The following KIRREL3 variants were observed in gnomAD, a reference collection of about 807,000 sequenced individuals.
The protein encoded by KIRREL3 is kin of IRRE-like protein 3.
In KIRREL3, 36 loss-of-function variants were observed where a neutral mutation model predicts 89.7. The observed-to-expected ratio is 0.40, with a 90% CI of 0.31 to 0.53. The LOEUF is 0.53. KIRREL3 is among the 20% of genes least tolerant of loss of function. The pLI, the probability that KIRREL3 is intolerant of heterozygous loss-of-function variation, is 0.49. For missense variants in KIRREL3, 864 were observed against 1,056.6 expected, an observed-to-expected ratio of 0.82 and a Z score of 2.53; for synonymous variants, 445 against 441.4, an observed-to-expected ratio of 1.01 and a Z score of -0.10.
In KIRREL3 at chr11:126,697,767, TG is replaced by T. The variant is rs200947507; in HGVS notation, c.56-134856del. 1.3e-5 allele frequency among the ~76,000 whole-genome samples: 2 copies of T among 152,350 alleles called. No individual in the cohort carries two copies. The highest frequency in any genetic ancestry group is 2.1e-4 in the South Asian group (1 of 4,818). ...CTCCGGGTGGGTCCCATGATTGCTC[TG>T]ATCACCTCCCTATTATTGGATATTA... On this transcript the variant is annotated intron_variant, in intron 1 of 16. Transcript: ENST00000525144. This position sits in a 1 kb window ranked among gnomAD's most constrained non-coding sequence, Gnocchi z 4.2.
At position 126,987,445 on chromosome 11, in the gene KIRREL3, A is replaced by G. The variant is rs1414257794; in HGVS notation, c.55+13010T>C. On this transcript the variant is annotated intron_variant, in intron 1 of 16. Transcript: ENST00000525144. The surrounding 1 kb of genome is among the most constrained non-coding windows in gnomAD (Gnocchi z 4.6). ...TAGATTTCCTGTTATTTTCACAGAC[A>G]AACAGGAGAGGTAAGTGTTCAGATT... 6.6e-6 allele frequency among the ~76,000 whole-genome samples: 1 copy of G among 152,242 alleles called. No homozygotes were observed. The highest frequency in any genetic ancestry group is 1.5e-5 in the Non-Finnish European group (1 of 68,048).
In KIRREL3 at chr11:126,782,149, C is replaced by G. The variant is rs992447817; in HGVS notation, c.55+218306G>C. Among the ~76,000 whole-genome samples, 1 of 152,170 alleles carries G rather than the reference C, an allele frequency of 6.6e-6. No homozygotes were observed. The highest frequency in any genetic ancestry group is 2.4e-5 in the African/African-American group (1 of 41,436). ...GCCTTCCTAGGAATTAGGTTCAGGC[C>G]TGAGACTTAAAAGAGTCCTGTGTGA... On this transcript the variant is annotated intron_variant, in intron 1 of 16. Coordinates refer to ENST00000525144, the MANE Select transcript of KIRREL3 (RefSeq NM_032531.4). The surrounding 1 kb of genome is among the most constrained non-coding windows in gnomAD (Gnocchi z 4.1).
chr11:126,749,903 A>G (rs1287478213), intron 1 of KIRREL3, among the ~76,000 whole-genome samples: 2 of 152,122 alleles, frequency 1.3e-5, no homozygotes, highest in East Asian at 1.9e-4. Flanking sequence ...ACGTGTGGAG[A>G]CCGAATCAGG....
chr11:126,796,352 C>T lies in KIRREL3; in HGVS notation c.55+204103G>A, dbSNP rs566959228. ...ACTGGGCTGACCCAGGGCATCAGGG[C>T]TGGGGATTGTCTTGGATGGAAGGAT... On this transcript the variant is annotated intron_variant, in intron 1 of 16. Transcript: ENST00000525144. This position sits in a 1 kb window ranked among gnomAD's most constrained non-coding sequence, Gnocchi z 5.1. Among the ~76,000 whole-genome samples, 1 of 152,294 alleles carries T rather than the reference C, an allele frequency of 6.6e-6. No homozygotes were observed. The highest frequency in any genetic ancestry group is 6.5e-5 in the Admixed American group (1 of 15,302).
In KIRREL3 at chr11:126,696,252, A is replaced by G. The variant is rs1947090718; in HGVS notation, c.56-133340T>C. On this transcript the variant is annotated intron_variant, in intron 1 of 16. Coordinates refer to ENST00000525144, the MANE Select transcript of KIRREL3 (RefSeq NM_032531.4). The surrounding 1 kb of genome is among the most constrained non-coding windows in gnomAD (Gnocchi z 4.4). ...AGCCTGGGCCACTGAGCGAGACTCT[A>G]TCTCAATTAAAAAAAAAAAAAAAAG... Among the ~76,000 whole-genome samples, 1 of 149,346 alleles carries G rather than the reference A, an allele frequency of 6.7e-6. No individual in the cohort carries two copies.
chr11:126,706,503 C>G (rs2134131607), intron 1 of KIRREL3, among the ~76,000 whole-genome samples: 1 of 152,194 alleles, frequency 6.6e-6, no homozygotes, highest in East Asian at 1.9e-4. Context: ...GGTTAAATTT[C>G]TAGGAACAAA....
chr11:126,693,538 G>A (rs533380810), intron 1 of KIRREL3, among the ~76,000 whole-genome samples: 19 of 152,256 alleles, frequency 1.2e-4, no homozygotes, highest in Non-Finnish European at 1.6e-4. Context: ...CCGTAAAAGC[G>A]TGCAAGTCAT....
At chr11:126,865,087 G>A (rs909842066) in intron 1 of KIRREL3, among the ~76,000 whole-genome samples, 2 of 152,142 alleles carry the variant, frequency 1.3e-5, no homozygotes, top group Non-Finnish European at 2.9e-5. Context: ...GAATCAAGGC[G>A]CCTCCAGCTT....
intron 13 of KIRREL3, among the ~76,000 whole-genome samples, chr11:126,433,376 G>C (rs2134155210): frequency 6.6e-6 from 1 of 152,306 alleles, no homozygotes; most frequent in African/African-American, 2.4e-5. Flanking sequence ...CTGGGAGGAG[G>C]TATCAAGGGG....
intron 1 of KIRREL3, among the ~76,000 whole-genome samples, chr11:126,749,927 A>G (rs2134241729): frequency 6.6e-6 from 1 of 152,156 alleles, no homozygotes; most frequent in South Asian, 2.1e-4. Context: ...GTGTAGAGAA[A>G]CCAGTGCGCG....
chr11:126,830,572 T>A lies in KIRREL3; in HGVS notation c.55+169883A>T, dbSNP rs1221715439. On this transcript the variant is annotated intron_variant, in intron 1 of 16. Coordinates refer to ENST00000525144, the MANE Select transcript of KIRREL3 (RefSeq NM_032531.4). The surrounding 1 kb of genome is among the most constrained non-coding windows in gnomAD (Gnocchi z 4.9). Reference sequence around the variant, plus strand: ...TCCCTGGATTCTACAGGTGGCTCGGTGACAGTCATCTCTTAGTGTTTCGAT... The same window carrying A: ...TCCCTGGATTCTACAGGTGGCTCGGAGACAGTCATCTCTTAGTGTTTCGAT... Among the ~76,000 whole-genome samples, 1 of 152,218 alleles carries A rather than the reference T, an allele frequency of 6.6e-6. No homozygotes were observed. The highest frequency in any genetic ancestry group is 1.5e-5 in the Non-Finnish European group (1 of 68,038).
rs547733885 is a variant in KIRREL3 at position 126,459,021 on chromosome 11, G to A, written c.743-2567C>T. Among the ~76,000 whole-genome samples, 7 of 152,290 alleles carry A rather than the reference G, an allele frequency of 4.6e-5. No homozygotes were observed. Among genetic ancestry groups the A allele is most frequent in the South Asian group, 2.1e-4 (1 of 4,824 alleles). On this transcript the variant is annotated intron_variant, in intron 6 of 16. Transcript: ENST00000525144. This position sits in a 1 kb window ranked among gnomAD's most constrained non-coding sequence, Gnocchi z 4.8. ...ACACTCAGGGAGGAGCCTGCATCTC[G>A]CCGTGGGTTGGAGAAGTGGAGGTGG...
intron 1 of KIRREL3, among the ~76,000 whole-genome samples, chr11:126,616,880 G>T (rs1482764980): frequency 6.6e-6 from 1 of 152,218 alleles, no homozygotes; most frequent in African/African-American, 2.4e-5. Context: ...GGGCTCAAGT[G>T]ATCCTCCTGC....
chr11:126,510,129 A>G (rs1042822301), intron 4 of KIRREL3, among the ~76,000 whole-genome samples: 99 of 152,150 alleles, frequency 6.5e-4, no homozygotes, highest in African/African-American at 2.2e-3. Context: ...AGCCTGCAAC[A>G]AACTGCTCTG....
At position 126,462,798 on chromosome 11, in the gene KIRREL3, C is replaced by T. The variant is rs1956589973; in HGVS notation, c.742+359G>A. Among the ~76,000 whole-genome samples, 2 of 152,178 alleles carry T rather than the reference C, an allele frequency of 1.3e-5. No homozygotes were observed. Among genetic ancestry groups the T allele is most frequent in the African/African-American group, 4.8e-5 (2 of 41,440 alleles). On this transcript the variant is annotated intron_variant, in intron 6 of 16. Transcript: ENST00000525144. The surrounding 1 kb of genome is among the most constrained non-coding windows in gnomAD (Gnocchi z 4.8). ...CAGCGCTGCTTGCCAATTCTGAAGC[C>T]TGGGGACCCTTCAAATACCAGCATC...
At chr11:126,827,398 G>T (rs1001102798) in intron 1 of KIRREL3, among the ~76,000 whole-genome samples, 5 of 152,006 alleles carry the variant, frequency 3.3e-5, no homozygotes, top group Non-Finnish European at 7.4e-5. Flanking sequence ...GGCTGGTCTG[G>T]AACTCCTGAC....
At position 126,431,181 on chromosome 11, in the gene KIRREL3, C is replaced by G; in HGVS notation, c.1696+238G>C. On this transcript the variant is annotated intron_variant, in intron 14 of 16. Coordinates refer to ENST00000525144, the MANE Select transcript of KIRREL3 (RefSeq NM_032531.4). The surrounding 1 kb of genome is among the most constrained non-coding windows in gnomAD (Gnocchi z 7.1). Reference sequence around the variant, plus strand: ...GTGTTCAATCCAAAATGCTGGCTGCCCTGCAGATGAAGTTCAGTCTAGTCC... The same window carrying G: ...GTGTTCAATCCAAAATGCTGGCTGCGCTGCAGATGAAGTTCAGTCTAGTCC... 1 of 1,457,362 alleles carries G rather than the reference C, an allele frequency of 6.9e-7. No homozygotes were observed. The highest frequency in any genetic ancestry group is 9.1e-7 in the Non-Finnish European group (1 of 1,104,056). The allele number at this position is 1,457,362 out of a possible 1,614,324, so 90.3% of individuals were successfully genotyped here.
intron 1 of KIRREL3, among the ~76,000 whole-genome samples, chr11:126,913,754 G>T (rs548143945): frequency 1.3e-5 from 2 of 152,304 alleles, no homozygotes; most frequent in South Asian, 2.1e-4. Context: ...TCTCAAGTCT[G>T]CTTGGAAAGA....
rs568745590 is a variant in KIRREL3, at chr11:126,859,733, C to T, written c.55+140722G>A. 8.9e-4 allele frequency among the ~76,000 whole-genome samples: 135 copies of T among 152,306 alleles called. 1 individual carries two copies. Among genetic ancestry groups the T allele is most frequent in the Middle Eastern group, 3.4e-3 (1 of 294 alleles). ...AAGTTTCTCCCCAAGGTTTCTTCCT[C>T]TTCTTCTTGGAAGAGAAAGTGACCT... is the stretch of plus-strand genomic sequence containing the variant. On this transcript the variant is annotated intron_variant, in intron 1 of 16. Transcript: ENST00000525144.
Sources: gnomAD v4.1 joint callset for allele counts (sites outside exome capture counted in the v4.1 genomes callset) on GRCh38, gnomAD v4.1.1 for gene constraint, Gnocchi (gnomAD v3.1) non-coding constraint, MANE v1.5 for transcripts, NCBI Gene and HGNC (gene_info 2026-07-23, HGNC 2026-07-21) for gene names.